The following RECQL4 variants were observed in gnomAD, a reference collection of about 807,000 sequenced individuals.
RECQL4 encodes RecQ like helicase 4.
In RECQL4, 158 loss-of-function variants were observed where a neutral mutation model predicts 128.6. The ratio of observed to expected loss-of-function variants is 1.23; its 90% CI spans 1.08 to 1.40. The LOEUF (loss-of-function observed/expected upper bound fraction) is 1.40. RECQL4 is among the 40% of genes most tolerant of loss of function. The pLI is 0.00. For missense variants in RECQL4, 2,293 were observed against 1,649.8 expected (o/e 1.39, Z -6.75); for synonymous variants, 996 against 678.9 (o/e 1.47, Z -7.26).
Position 144,512,133 on chromosome 8 carries a change from C to G in RECQL4, c.3236+11G>C, listed in dbSNP as rs758701529. 3 of 1,603,488 alleles carry G rather than the reference C, an allele frequency of 1.9e-6. No homozygotes were observed. Among genetic ancestry groups the G allele is most frequent in the Non-Finnish European group, 8.5e-7 (1 of 1,174,922 alleles). On this transcript the variant is annotated intron_variant, in intron 18 of 20. Transcript: ENST00000617875. ...GTGGATGGTCCCAGGCCCCGCCCGC[C>G]TCCTCCCAACCTGTGAAAGGCCTGG...
In RECQL4 at chr8:144,513,937, G is replaced by A. The variant is rs1367302943; in HGVS notation, c.2049C>T (p.Asp683=). 4 of 1,555,504 alleles carry A rather than the reference G, an allele frequency of 2.6e-6. No individual in the cohort carries two copies. Among genetic ancestry groups the A allele is most frequent in the Non-Finnish European group, 2.6e-6 (3 of 1,150,488 alleles). ...GAGCACACACACCCACCTGGTCTGT[G>A]TCCCTGTCCATGGACACGGAAAGGT... The part of the protein sequence containing the change: ...NLHLSVSMDR[D]TDQALLTLLQ... Residue 683 remains aspartate, a synonymous_variant, in exon 12 of 21, where the codon GAC becomes GAT. Coordinates refer to ENST00000617875, the MANE Select transcript of RECQL4 (RefSeq NM_004260.4).
intron 9 of RECQL4, 71 bp from the exon 10 acceptor site, chr8:144,514,596 TGCTGCCATGTCCATCCTA>T (rs1827876488): frequency 3.4e-6 from 5 of 1,467,172 alleles, no homozygotes; most frequent in Non-Finnish European, 4.7e-6. Context: ...ATCCCAGAGC[TGCTGCCATGTCCATCCTA>T]GTCCCTCAGG....
Position 144,515,463 on chromosome 8 carries a change from G to A in RECQL4, c.1259-6C>T, listed in dbSNP as rs745614383. The stretch of plus-strand genomic sequence containing the variant: ...ATCTGTGTCTTCCTCACTTGCTGGG[G>A]CAGGCAGGAGAGGGTAGAATGGGAG... On this transcript the variant is annotated splice_region_variant and splice_polypyrimidine_tract_variant and intron_variant, in intron 6 of 20. Transcript: ENST00000617875. The A allele has an allele frequency of 5.6e-6, 9 of 1,612,650 alleles. No individual in the cohort carries two copies. The Admixed American group carries it at 8.3e-5, about 15-fold the overall frequency.
rs377301609 is a variant in RECQL4 at position 144,513,257 on chromosome 8, G to C, written c.2424C>G (p.Asp808Glu). 1 of 1,591,428 alleles carries C rather than the reference G, an allele frequency of 6.3e-7. No individual in the cohort carries two copies. The highest frequency in any genetic ancestry group is 8.5e-7 in the Non-Finnish European group (1 of 1,175,046). ...AGAGGTGGCAGTGGGCAGGCTGCCC[G>C]TCACGCCCGGCCCGGCCCACGGCCT... is the stretch of plus-strand genomic sequence containing the variant. The part of the protein sequence containing the change: ...YVQAVGRAGR[D>E]GQPAHCHLFL... The change falls in exon 14 of 21, where the codon GAC (aspartate) becomes GAG (glutamate). Residue 808 changes from aspartate (D) to glutamate (E), a missense_variant. Asp to Glu is a conservative substitution (Grantham distance 45). Coordinates refer to ENST00000617875, the MANE Select transcript of RECQL4 (RefSeq NM_004260.4).
At chr8:144,511,616 C>A in intron 20 of RECQL4, 61 bp from the exon 21 acceptor site, 2 of 1,608,790 alleles carry the variant, frequency 1.2e-6, no homozygotes, top group Non-Finnish European at 8.5e-7. Context: ...GGTGGAGCCT[C>A]CCAGGCCTCA....
rs200068546 is a variant in RECQL4, at chr8:144,511,420, A to G, written c.*11T>C. On this transcript the variant is annotated 3_prime_UTR_variant, in exon 21 of 21. Coordinates refer to ENST00000617875, the MANE Select transcript of RECQL4 (RefSeq NM_004260.4). ...CCCCAGCTCTACCCGACATCCCCCAATGCAGTGCAGTCAGCGGGCCACCTG... is the reference window on the plus strand; with the variant it reads ...CCCCAGCTCTACCCGACATCCCCCAGTGCAGTGCAGTCAGCGGGCCACCTG... The G allele has an allele frequency of 4.4e-4, 708 of 1,611,572 alleles. No individual in the cohort carries two copies. The highest frequency in any genetic ancestry group is 5.5e-4 in the Non-Finnish European group (654 of 1,179,036).
rs587778654 is a variant in RECQL4, at chr8:144,515,216, G to A, written c.1417C>T (p.Leu473=). 2 of 1,577,856 alleles carry A rather than the reference G, an allele frequency of 1.3e-6. No homozygotes were observed. Among genetic ancestry groups the A allele is most frequent in the Non-Finnish European group, 1.7e-6 (2 of 1,162,708 alleles). The stretch of plus-strand genomic sequence containing the variant: ...AAGGCTTGGTGCCCCAGCTGCTCCA[G>A]GGCCTGGAACACCTCAGCCGGCGTC... The part of the protein sequence containing the change: ...AETPAEVFQA[L]EQLGHQAFRP... Residue 473 remains leucine (L), a synonymous_variant, in exon 8 of 21, where the codon CTG becomes TTG. Coordinates refer to ENST00000617875, the MANE Select transcript of RECQL4 (RefSeq NM_004260.4).
chr8:144,515,540 G>C (rs987788247), intron 6 of RECQL4, 83 bp from the exon 7 acceptor site: 1 of 1,595,066 alleles, frequency 6.3e-7, no homozygotes, highest in South Asian at 1.1e-5. Flanking sequence ...TCCCCCAAAG[G>C]GGGTTGGCAG....
chr8:144,515,967 C>A (rs949767974), intron 5 of RECQL4, 21 bp downstream of exon 5: 1 of 1,611,064 alleles, frequency 6.2e-7, no homozygotes, highest in African/African-American at 1.3e-5. Flanking sequence ...GAATGCCTGT[C>A]CTGGCCCGTC....
intron 4 of RECQL4, 72 bp from the exon 5 acceptor site, chr8:144,516,836 G>T: frequency 7.0e-7 from 1 of 1,433,188 alleles, no homozygotes; most frequent in Non-Finnish European, 9.4e-7. Flanking sequence ...AAACCTACCT[G>T]AGTCCCCACG....
Position 144,514,488 on chromosome 8 carries a change from A to G in RECQL4, c.1658T>C (p.Ile553Thr). Residue 553 changes from isoleucine to threonine, a missense_variant, in exon 10 of 21, where the codon ATA becomes ACA. Ile to Thr is a moderately conservative substitution (Grantham distance 89). Transcript: ENST00000617875. The part of the protein sequence containing the change: ...GLPPCLKAAC[I>T]HSGMTRKQRE... ...TTGCTTCCTGGTCATGCCCGAGTGTATGCAGGCCGCCTTGAGACACGGTGG... is the reference window on the plus strand; with the variant it reads ...TTGCTTCCTGGTCATGCCCGAGTGTGTGCAGGCCGCCTTGAGACACGGTGG... The G allele has an allele frequency of 1.9e-6, 3 of 1,612,318 alleles. No homozygotes were observed. The highest frequency in any genetic ancestry group is 1.3e-5 in the African/African-American group (1 of 75,036).
In RECQL4 at chr8:144,513,503, G is replaced by A. The variant is rs1310117851; in HGVS notation, c.2201-23C>T. On this transcript the variant is annotated intron_variant, in intron 13 of 20. Coordinates refer to ENST00000617875, the MANE Select transcript of RECQL4 (RefSeq NM_004260.4). ...GACCTTTGGGGAAGACAGGCAGATG[G>A]TCAGTGGGATGGGACCATGTGTGCC... is the stretch of plus-strand genomic sequence containing the variant. 16 of 1,610,396 alleles carry A rather than the reference G, an allele frequency of 9.9e-6. No homozygotes were observed. The East Asian group carries it at 1.8e-4, about 18-fold the overall frequency.
At chr8:144,515,710 C>T in intron 6 of RECQL4, 54 bp downstream of exon 6, 2 of 1,595,574 alleles carry the variant, frequency 1.3e-6, no homozygotes, top group African/African-American at 1.3e-5. Context: ...CAAAAGAGCA[C>T]TGCGCCCTCT....
Position 144,514,469 on chromosome 8 carries a change from C to T in RECQL4, c.1677G>A (p.Arg559=), listed in dbSNP as rs750667308. ...KAACIHSGMT[R]KQRESVLQKI... is the part of the protein sequence containing the mutation. ...TCTGCAGGACAGATTCCCGTTGCTT[C>T]CTGGTCATGCCCGAGTGTATGCAGG... Residue 559 remains arginine, a synonymous_variant, in exon 10 of 21, where the codon AGG becomes AGA. Coordinates refer to ENST00000617875, the MANE Select transcript of RECQL4 (RefSeq NM_004260.4). 1 of 1,612,382 alleles carries T rather than the reference C, an allele frequency of 6.2e-7. No homozygotes were observed. The highest frequency in any genetic ancestry group is 8.5e-7 in the Non-Finnish European group (1 of 1,179,610).
chr8:144,512,928 C>T lies in RECQL4; in HGVS notation c.2674G>A (p.Gly892Arg), dbSNP rs1407549287. 2 of 1,579,790 alleles carry T rather than the reference C, an allele frequency of 1.3e-6. No individual in the cohort carries two copies. Among genetic ancestry groups the T allele is most frequent in the Non-Finnish European group, 8.6e-7 (1 of 1,163,158 alleles). Residue 892 changes from glycine (G) to arginine (R), a missense_variant, in exon 15 of 21, where the codon GGA (glycine) becomes AGA (arginine). Physicochemically the swap from Gly to Arg is moderately radical, Grantham distance 125. Transcript: ENST00000617875. ...TGGCCCATGCAGACCCTTCTGGGTC[C>T]TGGGGCTGCTTGGTGGCTAAGCTGC... ...AEQLSHQAAP[G>R]PRRVCMGHER...
intron 6 of RECQL4, 84 bp from the exon 7 acceptor site, chr8:144,515,541 G>C (rs981050550): frequency 6.3e-7 from 1 of 1,594,970 alleles, no homozygotes; most frequent in East Asian, 2.2e-5. Context: ...CCCCCAAAGG[G>C]GGTTGGCAGC....
At chr8:144,514,413 C>T (rs1827849414) in intron 10 of RECQL4, 29 bp downstream of exon 10, 10 of 1,604,256 alleles carry the variant, frequency 6.2e-6, no homozygotes, top group Non-Finnish European at 8.5e-6. Context: ...CCGCTGCCTC[C>T]CTCACCCCTA....
rs768304412 is a variant in RECQL4, at chr8:144,516,529, T to G, written c.590A>C (p.Glu197Ala). ...DPGWLQRCHS[E>A]VPDFLGAPKA... ...GGGGGCCCCCAGAAAATCTGGGACC[T>G]CACTGTGACATCGCTGTAACCAGCC... The change falls in exon 5 of 21, where the codon GAG becomes GCG. Residue 197 changes from glutamate (E) to alanine (A), a missense_variant. Glu to Ala is a moderately radical substitution (Grantham distance 107, BLOSUM62 -1). Transcript: ENST00000617875. 3 of 1,609,918 alleles carry G rather than the reference T, an allele frequency of 1.9e-6. No homozygotes were observed. The Admixed American group carries it at 5.0e-5, about 27-fold the overall frequency.
rs760836827 is a variant in RECQL4, at chr8:144,514,516, G to A, written c.1630C>T (p.Leu544=). 8.1e-6 allele frequency: 13 copies of A among 1,611,472 alleles called. No homozygotes were observed. Among genetic ancestry groups the A allele is most frequent in the African/African-American group, 1.3e-5 (1 of 75,018 alleles). ...CAGGCCGCCTTGAGACACGGTGGCAGGCCAGACACCTGCAAATGCAGGAGC... is the reference window on the plus strand; with the variant it reads ...CAGGCCGCCTTGAGACACGGTGGCAAGCCAGACACCTGCAAATGCAGGAGC... ...LSLMDDQVSG[L]PPCLKAACIH... The change falls in exon 10 of 21, where the codon CTG becomes TTG. Residue 544 remains leucine (L), a synonymous_variant. Coordinates refer to ENST00000617875, the MANE Select transcript of RECQL4 (RefSeq NM_004260.4).
Sources: allele counts gnomAD v4.1 joint callset, GRCh38; gene constraint gnomAD v4.1.1; transcripts MANE v1.5; gene names NCBI Gene and HGNC (gene_info 2026-07-23, HGNC 2026-07-21).